FAM13A: variants seen among roughly 807,000 people sequenced by gnomAD.
FAM13A encodes the protein family with sequence similarity 13 member A.
FAM13A carries 76 observed loss-of-function variants against 129.6 expected under a neutral mutation model. The observed-to-expected ratio is 0.59, with a 90% confidence interval of 0.49 to 0.71. FAM13A has a LOEUF of 0.71. Ranked by LOEUF, FAM13A falls within the 30% of genes least tolerant of loss-of-function variation. FAM13A has a pLI of 0.00. For missense variants in FAM13A, 1,108 were observed against 1,249.3 expected (o/e 0.89, Z 1.70); for synonymous variants, 443 against 449.9 (o/e 0.98, Z 0.20).
intron 7 of FAM13A, among the ~76,000 whole-genome samples, chr4:88,831,895 T>TA (rs1056473271): frequency 4.6e-5 from 7 of 151,866 alleles, no homozygotes; most frequent in African/African-American, 1.2e-4. Flanking sequence ...AATTTTTTTT[T>TA]AAATTCATAT....
At chr4:88,906,236 T>G in intron 6 of FAM13A, 143 bp downstream of exon 6, 9 of 604,976 alleles carry the variant, frequency 1.5e-5, no homozygotes, top group East Asian at 3.1e-5. Flanking sequence ...TGCAGTGAGC[T>G]GAGATTGCGC....
chr4:88,872,842 C>G (rs566770200), intron 6 of FAM13A, among the ~76,000 whole-genome samples: 1 of 152,160 alleles, frequency 6.6e-6, no homozygotes, highest in South Asian at 2.1e-4. Flanking sequence ...ATACATTCTT[C>G]TCAGCACCAC....
chr4:88,731,700 G>T (rs1737834895), intron 22 of FAM13A: 2 of 525,498 alleles, frequency 3.8e-6, no homozygotes, highest in Non-Finnish European at 6.6e-6. Context: ...TTCTTTGAAA[G>T]AAAGAGATGA....
At position 89,056,966 on chromosome 4, in the gene FAM13A, C is replaced by G; in HGVS notation, c.-2G>C. ...GATGGCTAGAGCTCCTGCCCCCATT[C>G]TCTCAGAAAGCGTCTGGAAGAACTG... On this transcript the variant is annotated 5_prime_UTR_variant, in exon 1 of 24. Coordinates refer to ENST00000264344, the MANE Select transcript of FAM13A (RefSeq NM_014883.4). 6.2e-7 allele frequency: 1 copy of G among 1,613,660 alleles called. No homozygotes were observed. The highest frequency in any genetic ancestry group is 8.5e-7 in the Non-Finnish European group (1 of 1,179,750).
At chr4:88,972,742 G>A (rs1579568060) in intron 4 of FAM13A, among the ~76,000 whole-genome samples, 1 of 152,182 alleles carries the variant, frequency 6.6e-6, no homozygotes, top group East Asian at 1.9e-4. Flanking sequence ...AAGTAGCTGG[G>A]ACTACAGGTG....
intron 7 of FAM13A, among the ~76,000 whole-genome samples, chr4:88,830,504 G>C (rs956923740): frequency 6.6e-6 from 1 of 152,122 alleles, no homozygotes; most frequent in African/African-American, 2.4e-5. Flanking sequence ...ATAATTTAAT[G>C]TGTTTCCTCA....
rs1487139394 is a variant in FAM13A at position 88,991,062 on chromosome 4, GC to G, written c.515del (p.Cys172SerfsTer4). 2 of 1,613,412 alleles carry G rather than the reference GC, an allele frequency of 1.2e-6. No homozygotes were observed. Among genetic ancestry groups the G allele is most frequent in the Admixed American group, 1.7e-5 (1 of 60,010 alleles). On this transcript the variant is annotated frameshift_variant, in exon 4 of 24. Coordinates refer to ENST00000264344, the MANE Select transcript of FAM13A (RefSeq NM_014883.4). LOFTEE classifies it high-confidence loss of function. The stretch of plus-strand genomic sequence containing the variant: ...GCTTGGCTACTTTTGTCAAGAACTG[GC>G]AAAGGTACTTGAGGAGGCAGTAGTG... Reference protein sequence around the residue: ...DTHYCLLKYLCQFLTKVAKHH... With the variant: ...DTHYCLLKYLXQFLTKVAKHH...
At chr4:88,851,253 G>T in intron 6 of FAM13A, 70 bp from the exon 7 acceptor site, 1 of 1,341,406 alleles carries the variant, frequency 7.5e-7, no homozygotes, top group Non-Finnish European at 1.0e-6. Flanking sequence ...TTAAGTTTAT[G>T]ATAAAAGACA....
chr4:88,946,598 C>T (rs1755925905), intron 4 of FAM13A, among the ~76,000 whole-genome samples: 1 of 151,998 alleles, frequency 6.6e-6, no homozygotes, highest in Non-Finnish European at 1.5e-5. Flanking sequence ...CTTCTTGCTG[C>T]ATATAGATAA....
chr4:88,741,110 C>T (rs892583812), intron 19 of FAM13A, among the ~76,000 whole-genome samples: 1 of 152,190 alleles, frequency 6.6e-6, no homozygotes, highest in Non-Finnish European at 1.5e-5. Context: ...TTGGCAGTAC[C>T]TACTAAAGCT....
chr4:88,869,153 C>T (rs965968160), intron 6 of FAM13A, among the ~76,000 whole-genome samples: 3 of 152,196 alleles, frequency 2.0e-5, no homozygotes, highest in Non-Finnish European at 4.4e-5. Flanking sequence ...TCCATTCCAG[C>T]CTTTCATATA....
chr4:88,787,732 G>GA, intron 10 of FAM13A, 21 bp downstream of exon 10: 2 of 1,607,178 alleles, frequency 1.2e-6, no homozygotes, highest in Non-Finnish European at 1.7e-6. Flanking sequence ...CAAGTAAGAG[G>GA]AAGAATCAAT....
intron 7 of FAM13A, among the ~76,000 whole-genome samples, chr4:88,840,015 C>G (rs1168903007): frequency 6.6e-6 from 1 of 152,134 alleles, no homozygotes; most frequent in Non-Finnish European, 1.5e-5. Context: ...GAGAGGACGT[C>G]AGAGGACTGA....
At chr4:88,754,091 T>C (rs941521740) in intron 14 of FAM13A, among the ~76,000 whole-genome samples, 3 of 152,254 alleles carry the variant, frequency 2.0e-5, no homozygotes, top group African/African-American at 7.2e-5. Context: ...TGCATTTTCA[T>C]ATCTAGACCA....
chr4:88,880,475 T>C (rs1358553999), intron 6 of FAM13A, among the ~76,000 whole-genome samples: 1 of 151,866 alleles, frequency 6.6e-6, no homozygotes. Flanking sequence ...CTTTGTCTCA[T>C]AGGGGTCCTT....
chr4:88,923,512 C>A (rs981458315), intron 5 of FAM13A, among the ~76,000 whole-genome samples: 4 of 152,124 alleles, frequency 2.6e-5, no homozygotes, highest in African/African-American at 9.7e-5. Context: ...ACCCTTCATG[C>A]TAAAAACTCT....
chr4:88,935,275 T>G (rs1162549238), intron 5 of FAM13A, among the ~76,000 whole-genome samples: 1 of 152,228 alleles, frequency 6.6e-6, no homozygotes, highest in Non-Finnish European at 1.5e-5. Flanking sequence ...CATATTTCTC[T>G]GGGCCCAAAT....
chr4:88,852,562 G>GC (rs1312884033), intron 6 of FAM13A, among the ~76,000 whole-genome samples: 3 of 152,126 alleles, frequency 2.0e-5, no homozygotes, highest in African/African-American at 7.2e-5. Context: ...TTTAATCTAA[G>GC]TTTTCTCATG....
intron 4 of FAM13A, among the ~76,000 whole-genome samples, chr4:88,941,265 T>C (rs990009466): frequency 6.6e-6 from 1 of 152,206 alleles, no homozygotes; most frequent in Admixed American, 6.5e-5. Flanking sequence ...GGAGCTTCAG[T>C]TGGAATGAAT....
Sources: gnomAD v4.1 joint callset for allele counts (sites outside exome capture counted in the v4.1 genomes callset) on GRCh38, gnomAD v4.1.1 for gene constraint, MANE v1.5 for transcripts, NCBI Gene and HGNC (gene_info 2026-07-23, HGNC 2026-07-21) for gene names.